The following PCDHGB3 variants were observed in gnomAD, a reference collection of about 807,000 sequenced individuals.
The protein encoded by PCDHGB3 is protocadherin gamma subfamily B, 3, also known as protocadherin gamma-B3.
Under a neutral mutation model 59.2 loss-of-function variants are expected in PCDHGB3, and 40 were observed. The observed-to-expected ratio is 0.68, with a 90% CI of 0.52 to 0.88. The LOEUF is 0.88. Ranked by LOEUF, PCDHGB3 falls within the 40% of genes least tolerant of loss-of-function variation. PCDHGB3 has a pLI of 0.00. For missense variants in PCDHGB3, 1,309 were observed against 1,187.9 expected (o/e 1.10, Z -1.50); for synonymous variants, 581 against 503.6 (o/e 1.15, Z -2.06).
At chr5:141,396,830 G>C (rs1014090361) in intron 1 of PCDHGB3, among the ~76,000 whole-genome samples, 1 of 152,198 alleles carries the variant, frequency 6.6e-6, no homozygotes, top group African/African-American at 2.4e-5. Flanking sequence ...TGCATATTCA[G>C]TGGAGTGGGA....
Position 141,491,712 on chromosome 5 carries a change from G to C in PCDHGB3, c.2416-3095G>C. 3.1e-6 allele frequency: 5 copies of C among 1,609,408 alleles called. No individual in the cohort carries two copies. Among genetic ancestry groups the C allele is most frequent in the Middle Eastern group, 1.7e-4 (1 of 6,024 alleles). ...GGGAGCGGAGCCAGGTGAGGGGCTCGGCGCCGCCCCGGGCGACCCCTGGGG... is the reference window on the plus strand; with the variant it reads ...GGGAGCGGAGCCAGGTGAGGGGCTCCGCGCCGCCCCGGGCGACCCCTGGGG... On this transcript the variant is annotated intron_variant, in intron 1 of 3. Transcript: ENST00000576222. The surrounding 1 kb of genome is among the most constrained non-coding windows in gnomAD (Gnocchi z 6.9).
rs1292277026 is a variant in PCDHGB3 at position 141,489,814 on chromosome 5, CCA to C, written c.2416-4992_2416-4991del. 6 of 1,614,024 alleles carry C rather than the reference CCA, an allele frequency of 3.7e-6. No homozygotes were observed. Among genetic ancestry groups the C allele is most frequent in the Non-Finnish European group, 8.5e-7 (1 of 1,180,004 alleles). ...GACCCTAAAAGATGGGAAGCCATTC[CCA>C]GAGCTGGTGCTAGAGCAGCAGCTGG... On this transcript the variant is annotated intron_variant, in intron 1 of 3. Transcript: ENST00000576222. This position sits in a 1 kb window ranked among gnomAD's most constrained non-coding sequence, Gnocchi z 4.5.
chr5:141,447,516 A>G (rs997127013), intron 1 of PCDHGB3, among the ~76,000 whole-genome samples: 1 of 152,220 alleles, frequency 6.6e-6, no homozygotes, highest in African/African-American at 2.4e-5. Flanking sequence ...ATGCATAACA[A>G]TCATAACAAA....
chr5:141,407,471 A>G (rs1343289603), intron 1 of PCDHGB3, among the ~76,000 whole-genome samples: 1 of 146,104 alleles, frequency 6.8e-6, no homozygotes, highest in African/African-American at 2.5e-5. Context: ...AGATGACTGA[A>G]TGGAGTATGG....
chr5:141,443,207 C>T (rs907169095), intron 1 of PCDHGB3, among the ~76,000 whole-genome samples: 5 of 152,064 alleles, frequency 3.3e-5, no homozygotes, highest in African/African-American at 1.2e-4. Context: ...AAGAGCTTGT[C>T]TCGCCAGGCG....
At chr5:141,504,288 GT>G (rs1175142876) in intron 2 of PCDHGB3, among the ~76,000 whole-genome samples, 1 of 152,124 alleles carries the variant, frequency 6.6e-6, no homozygotes, top group Non-Finnish European at 1.5e-5. Flanking sequence ...ATCATTTCAT[GT>G]TTTTTCAACA....
chr5:141,403,390 G>C (rs1471861396), intron 1 of PCDHGB3: 2 of 1,613,920 alleles, frequency 1.2e-6, no homozygotes, highest in Admixed American at 1.7e-5. Flanking sequence ...ACGAAATCGC[G>C]GTTCCTGGAG....
chr5:141,457,233 T>G (rs1038193595), intron 1 of PCDHGB3, among the ~76,000 whole-genome samples: 9 of 152,208 alleles, frequency 5.9e-5, no homozygotes, highest in African/African-American at 2.2e-4. Flanking sequence ...AATTTCCATC[T>G]AAAATTTTAC....
chr5:141,471,843 T>C (rs1471729261), intron 1 of PCDHGB3, among the ~76,000 whole-genome samples: 2 of 152,166 alleles, frequency 1.3e-5, no homozygotes, highest in Admixed American at 6.5e-5. Context: ...TTTAATAAAA[T>C]ATTCAGAAAA....
At chr5:141,408,317 G>A in intron 1 of PCDHGB3, 1 of 1,613,892 alleles carries the variant, frequency 6.2e-7, no homozygotes, top group Non-Finnish European at 8.5e-7. Context: ...CTCGATTCCG[G>A]AGGAGCTGGC....
chr5:141,439,667 C>T (rs149776177), intron 1 of PCDHGB3, among the ~76,000 whole-genome samples: 2,012 of 152,292 alleles, frequency 0.013, 16 homozygotes, highest in Middle Eastern at 0.034. Context: ...TCATGGAATG[C>T]AAATCCAAGA....
intron 1 of PCDHGB3, chr5:141,426,320 G>A (rs2096927622): frequency 1.1e-5 from 2 of 175,034 alleles, no homozygotes; most frequent in South Asian, 1.3e-4. Context: ...AGCAGGACCC[G>A]GCAGTGGCAA....
At chr5:141,437,903 A>G (rs1591482477) in intron 1 of PCDHGB3, among the ~76,000 whole-genome samples, 1 of 152,064 alleles carries the variant, frequency 6.6e-6, no homozygotes, top group East Asian at 1.9e-4. Context: ...ACACCCAGCT[A>G]ATTTTTGTAT....
At chr5:141,388,376 C>T in intron 1 of PCDHGB3, 3 of 1,613,944 alleles carry the variant, frequency 1.9e-6, no homozygotes, top group Non-Finnish European at 2.5e-6. Context: ...ATATTGGTAG[C>T]AACACACTGC....
chr5:141,419,012 A>C (rs1422133011), intron 1 of PCDHGB3: 1 of 1,613,986 alleles, frequency 6.2e-7, no homozygotes. Context: ...AGTCAGGTGT[A>C]GCTTAAGTAG....
Position 141,432,831 on chromosome 5 carries a change from T to C in PCDHGB3, c.2415+60022T>C. 1 of 1,614,206 alleles carries C rather than the reference T, an allele frequency of 6.2e-7. No individual in the cohort carries two copies. Among genetic ancestry groups the C allele is most frequent in the Non-Finnish European group, 8.5e-7 (1 of 1,180,006 alleles). ...AACTCTGAAACCTCAGACCTCACTC[T>C]GTACCTGGTGGTAGCGGTGGCCGCG... On this transcript the variant is annotated intron_variant, in intron 1 of 3. Coordinates refer to ENST00000576222, the MANE Select transcript of PCDHGB3 (RefSeq NM_018924.5). The surrounding 1 kb of genome is among the most constrained non-coding windows in gnomAD (Gnocchi z 6.0).
In PCDHGB3 at chr5:141,372,736, T is replaced by C. The variant is rs1303541912; in HGVS notation, c.2342T>C (p.Leu781Pro). Residue 781 changes from leucine (L) to proline (P), a missense_variant, in exon 1 of 4, where the codon CTA becomes CCA. Transcript: ENST00000576222. ...GAAAATGCTGCACCACAAGATCTTC[T>C]ATGTGATGAAGCCTCTTGGTTTGAA... ...KAENAAPQDL[L>P]CDEASWFESN... 3 of 1,613,276 alleles carry C rather than the reference T, an allele frequency of 1.9e-6. No individual in the cohort carries two copies. Among genetic ancestry groups the C allele is most frequent in the African/African-American group, 2.7e-5 (2 of 74,932 alleles).
intron 1 of PCDHGB3, chr5:141,413,448 G>A (rs781717265): frequency 3.1e-6 from 5 of 1,614,122 alleles, no homozygotes; most frequent in Non-Finnish European, 4.2e-6. Context: ...TGATCACCGC[G>A]GGCAGGATAG....
chr5:141,463,382 T>C (rs2099057893), intron 1 of PCDHGB3, among the ~76,000 whole-genome samples: 1 of 151,594 alleles, frequency 6.6e-6, no homozygotes, highest in Admixed American at 6.6e-5. Context: ...AGTCTGAAAG[T>C]TGTCTCCAGG....
Sources: gnomAD v4.1 joint callset for allele counts (sites outside exome capture counted in the v4.1 genomes callset) on GRCh38, gnomAD v4.1.1 for gene constraint, Gnocchi (gnomAD v3.1) non-coding constraint, MANE v1.5 for transcripts, NCBI Gene and HGNC (gene_info 2026-07-23, HGNC 2026-07-21) for gene names.